Variants in SH3GL2 observed in about 807,000 individuals in gnomAD.
The protein encoded by SH3GL2 is endophilin-A1.
A neutral mutation model predicts 46.0 loss-of-function variants in SH3GL2; 24 were observed. That is an observed-to-expected ratio of 0.52 (90% CI 0.38 to 0.73). The LOEUF (loss-of-function observed/expected upper bound fraction) is 0.73. SH3GL2 is among the 30% of genes least tolerant of loss of function. The pLI is 0.00. For missense variants in SH3GL2, 413 were observed against 424.2 expected (o/e 0.97, Z 0.23); for synonymous variants, 196 against 147.1 (o/e 1.33, Z -2.40).
intron 1 of SH3GL2, among the ~76,000 whole-genome samples, chr9:17,619,190 G>C (rs2134597232): frequency 6.6e-6 from 1 of 152,252 alleles, no homozygotes; most frequent in East Asian, 1.9e-4. Flanking sequence ...TGGCAGAGCT[G>C]GGCTTTGAAC....
At chr9:17,631,535 G>A (rs965833498) in intron 1 of SH3GL2, among the ~76,000 whole-genome samples, 1 of 152,164 alleles carries the variant, frequency 6.6e-6, no homozygotes, top group South Asian at 2.1e-4. Flanking sequence ...TTGTAGGTAA[G>A]TGGTTTCTAT....
intron 2 of SH3GL2, among the ~76,000 whole-genome samples, chr9:17,757,902 G>T (rs532456754): frequency 6.6e-6 from 1 of 152,126 alleles, no homozygotes; most frequent in Admixed American, 6.5e-5. Context: ...GCACATTCAG[G>T]GGTCTCATGG....
In SH3GL2 at chr9:17,752,295, T is replaced by A. The variant is rs547741875; in HGVS notation, c.114+5161T>A. ...CTGTGATTGTTTATTGAGCTGTTCT[T>A]GTTCAGGAGTCTCAGTACTTTAAGT... On this transcript the variant is annotated intron_variant, in intron 2 of 8. Coordinates refer to ENST00000380607, the MANE Select transcript of SH3GL2 (RefSeq NM_003026.5). 4.6e-5 allele frequency among the ~76,000 whole-genome samples: 7 copies of A among 152,326 alleles called. No homozygotes were observed. The South Asian group carries it at 1.5e-3, about 32-fold the overall frequency.
At chr9:17,711,608 T>G (rs1406391869) in intron 1 of SH3GL2, among the ~76,000 whole-genome samples, 1 of 151,868 alleles carries the variant, frequency 6.6e-6, no homozygotes, top group Non-Finnish European at 1.5e-5. Flanking sequence ...ATCGGCATAA[T>G]TGTTTTGAGA....
chr9:17,712,992 A>G (rs1821669484), intron 1 of SH3GL2, among the ~76,000 whole-genome samples: 1 of 151,672 alleles, frequency 6.6e-6, no homozygotes, highest in Non-Finnish European at 1.5e-5. Flanking sequence ...TTTCACCATT[A>G]AGGATGATGT....
chr9:17,789,644 A>G (rs1363045975), intron 6 of SH3GL2, 94 bp downstream of exon 6: 9 of 1,555,848 alleles, frequency 5.8e-6, no homozygotes, highest in Admixed American at 1.7e-5. Context: ...TTAATATCTG[A>G]TTACACTATG....
In SH3GL2 at chr9:17,677,624, G is replaced by GTATATA. The variant is rs60772491; in HGVS notation, c.46-69428_46-69423dup. ...TGTTACCTACTGTTTAAATTGTATGGTATATATATATATATATATTTATAC... is the reference window on the plus strand; with the variant it reads ...TGTTACCTACTGTTTAAATTGTATGGTATATATATATATATATATATATATTTATAC... On this transcript the variant is annotated intron_variant, in intron 1 of 8. Transcript: ENST00000380607. Among the ~76,000 whole-genome samples, 1,065 of 147,350 alleles carry GTATATA rather than the reference G, an allele frequency of 7.2e-3. 10 individuals carry two copies. The highest frequency in any genetic ancestry group is 0.021 in the African/African-American group (860 of 40,550).
At chr9:17,735,996 G>A (rs1200504876) in intron 1 of SH3GL2, among the ~76,000 whole-genome samples, 1 of 152,056 alleles carries the variant, frequency 6.6e-6, no homozygotes, top group Non-Finnish European at 1.5e-5. Flanking sequence ...TTTCTCGTTT[G>A]ATTCAGCATA....
intron 2 of SH3GL2, among the ~76,000 whole-genome samples, chr9:17,758,171 A>G (rs180824168): frequency 4.6e-5 from 7 of 152,266 alleles, no homozygotes; most frequent in Admixed American, 3.9e-4. Context: ...TCTCTAGGCC[A>G]CAGGTGTGGA....
At chr9:17,644,057 C>T (rs971445437) in intron 1 of SH3GL2, among the ~76,000 whole-genome samples, 1 of 152,120 alleles carries the variant, frequency 6.6e-6, no homozygotes, top group Admixed American at 6.5e-5. Context: ...CTGGTTTAGT[C>T]TTGGGAGGGT....
chr9:17,692,308 A>G (rs564427301), intron 1 of SH3GL2, among the ~76,000 whole-genome samples: 3 of 151,406 alleles, frequency 2.0e-5, no homozygotes, highest in African/African-American at 2.4e-5. Context: ...AAGAAACCCT[A>G]TAAAGATATT....
At chr9:17,596,151 G>T (rs1418062160) in intron 1 of SH3GL2, among the ~76,000 whole-genome samples, 1 of 152,064 alleles carries the variant, frequency 6.6e-6, no homozygotes, top group East Asian at 1.9e-4. Context: ...ATGTCAGTTT[G>T]CTTCATTAGG....
rs371297260 is a variant in SH3GL2 at position 17,795,716 on chromosome 9, G to A, written c.1032G>A (p.Val344=). ...CAGGCTTCTTCCCCATCAATTATGTGGAAATTCTGGTTGCCCTGCCCCATT... is the reference window on the plus strand; with the variant it reads ...CAGGCTTCTTCCCCATCAATTATGTAGAAATTCTGGTTGCCCTGCCCCATT... ...GHSGFFPINY[V]EILVALPH The change falls in exon 9 of 9, where the codon GTG becomes GTA. Residue 344 remains valine, a synonymous_variant. Coordinates refer to ENST00000380607, the MANE Select transcript of SH3GL2 (RefSeq NM_003026.5). 1 of 1,613,888 alleles carries A rather than the reference G, an allele frequency of 6.2e-7. No homozygotes were observed. Among genetic ancestry groups the A allele is most frequent in the African/African-American group, 1.3e-5 (1 of 75,040 alleles).
At chr9:17,674,972 G>C (rs1237885401) in intron 1 of SH3GL2, among the ~76,000 whole-genome samples, 1 of 152,200 alleles carries the variant, frequency 6.6e-6, no homozygotes, top group African/African-American at 2.4e-5. Flanking sequence ...ATCTAGATAG[G>C]AGGAGCCACC....
intron 1 of SH3GL2, among the ~76,000 whole-genome samples, chr9:17,638,167 CA>C (rs970876402): frequency 7.3e-6 from 1 of 137,706 alleles, no homozygotes; most frequent in Non-Finnish European, 1.6e-5. Context: ...AAAAAAAAAA[CA>C]AAAAAACAAA....
At chr9:17,623,287 G>C (rs1256100290) in intron 1 of SH3GL2, among the ~76,000 whole-genome samples, 1 of 152,014 alleles carries the variant, frequency 6.6e-6, no homozygotes, top group East Asian at 1.9e-4. Context: ...GATGTGTCCT[G>C]TCCATAGGAG....
At position 17,795,923 on chromosome 9, in the gene SH3GL2, T is replaced by C; in HGVS notation, c.*180T>C. On this transcript the variant is annotated 3_prime_UTR_variant, in exon 9 of 9. Coordinates refer to ENST00000380607, the MANE Select transcript of SH3GL2 (RefSeq NM_003026.5). ...ACAGGAGTCATGGTGATGGATGATA[T>C]CCTCTTAGCCTGGTGGGCGTGGCAT... 6 of 597,570 alleles carry C rather than the reference T, an allele frequency of 1.0e-5. No individual in the cohort carries two copies. The South Asian group carries it at 1.1e-4, about 10-fold the overall frequency. The allele number at this position is 597,570 out of a possible 1,614,324, so 37.0% of individuals were successfully genotyped here.
chr9:17,793,046 A>G (rs1824179338), intron 7 of SH3GL2, among the ~76,000 whole-genome samples: 1 of 152,208 alleles, frequency 6.6e-6, no homozygotes, highest in Non-Finnish European at 1.5e-5. Flanking sequence ...CTTTGTGTAC[A>G]AGAACTGTGT....
At chr9:17,716,236 A>G (rs1407485239) in intron 1 of SH3GL2, among the ~76,000 whole-genome samples, 1 of 152,114 alleles carries the variant, frequency 6.6e-6, no homozygotes, top group African/African-American at 2.4e-5. Flanking sequence ...CTTCTTTGCA[A>G]TGCCTAATAA....
Sources: allele counts gnomAD v4.1 joint callset (sites outside exome capture counted in the v4.1 genomes callset), GRCh38; gene constraint gnomAD v4.1.1; transcripts MANE v1.5; gene names NCBI Gene and HGNC (gene_info 2026-07-23, HGNC 2026-07-21).